Variants in UMAD1 observed in about 807,000 individuals in gnomAD.
UMAD1 encodes UBAP1-MVB12-associated (UMA)-domain containing protein 1.
In UMAD1, 8 loss-of-function variants were observed where a neutral mutation model predicts 6.1. That is an observed-to-expected ratio of 1.30 (90% confidence interval 0.76 to 2.35). The LOEUF is 2.35. Ranked by LOEUF, UMAD1 falls within the 30% of genes most tolerant of loss-of-function variation. The pLI is 0.00. For synonymous variants in UMAD1, 56 were observed against 31.4 expected (o/e 1.78, Z -2.61); for missense variants, 130 against 78.4 (o/e 1.66, Z -2.49).
At chr7:7,642,208 C>A (rs1293336928) in intron 1 of UMAD1, among the ~76,000 whole-genome samples, 1 of 152,144 alleles carries the variant, frequency 6.6e-6, no homozygotes, top group East Asian at 1.9e-4. Flanking sequence ...GCACATAGCT[C>A]ACTGCAGCCT....
chr7:7,796,412 C>T (rs1215694044), intron 2 of UMAD1, among the ~76,000 whole-genome samples: 5 of 151,626 alleles, frequency 3.3e-5, no homozygotes, highest in South Asian at 4.2e-4. Context: ...CTACCGCACC[C>T]GGCTAATTTT....
intron 2 of UMAD1, among the ~76,000 whole-genome samples, chr7:7,730,480 G>T (rs11978146): frequency 0.25 from 37,404 of 151,834 alleles, 5,155 homozygotes; most frequent in African/African-American, 0.38. Flanking sequence ...TCCAGTTCTC[G>T]TCCTTTTTCT....
intron 3 of UMAD1, among the ~76,000 whole-genome samples, chr7:7,843,124 A>G (rs1185700129): frequency 6.6e-6 from 1 of 152,210 alleles, no homozygotes; most frequent in Non-Finnish European, 1.5e-5. Flanking sequence ...GAAAATAAGT[A>G]AAGTCTCTCT....
intron 3 of UMAD1, among the ~76,000 whole-genome samples, chr7:7,846,022 A>G (rs1783776239): frequency 6.6e-6 from 1 of 152,104 alleles, no homozygotes; most frequent in African/African-American, 2.4e-5. Flanking sequence ...TCTTTGAGTG[A>G]GAGATTTACT....
chr7:7,675,692 G>A (rs1779721135), intron 2 of UMAD1, among the ~76,000 whole-genome samples: 1 of 152,124 alleles, frequency 6.6e-6, no homozygotes, highest in Non-Finnish European at 1.5e-5. Context: ...GGACCATCTT[G>A]GACTAGCATA....
intron 2 of UMAD1, among the ~76,000 whole-genome samples, chr7:7,756,594 A>G (rs983932791): frequency 6.6e-6 from 1 of 152,140 alleles, no homozygotes; most frequent in African/African-American, 2.4e-5. Flanking sequence ...CTGTTCTTTC[A>G]TGAATGTGCT....
At chr7:7,692,936 A>G (rs1028529567) in intron 2 of UMAD1, among the ~76,000 whole-genome samples, 4 of 152,186 alleles carry the variant, frequency 2.6e-5, no homozygotes, top group Admixed American at 6.5e-5. Flanking sequence ...GGTATATTTC[A>G]TGTGAACCTT....
At chr7:7,868,907 C>G (rs1404013481) in intron 3 of UMAD1, among the ~76,000 whole-genome samples, 2 of 152,148 alleles carry the variant, frequency 1.3e-5, no homozygotes, top group Non-Finnish European at 2.9e-5. Flanking sequence ...GGGACCAGAT[C>G]TAGTGCCATT....
intron 2 of UMAD1, among the ~76,000 whole-genome samples, chr7:7,800,656 T>A (rs1283819833): frequency 6.6e-6 from 1 of 152,204 alleles, no homozygotes; most frequent in Non-Finnish European, 1.5e-5. Context: ...TTATATTAAA[T>A]CCTTCACAAT....
chr7:7,720,565 A>C (rs1158841598), intron 2 of UMAD1, among the ~76,000 whole-genome samples: 10 of 152,198 alleles, frequency 6.6e-5, no homozygotes, highest in Non-Finnish European at 1.5e-5. Context: ...ATTGCCAAAC[A>C]AAAGAAAAAT....
At chr7:7,702,040 G>A (rs747990412) in intron 2 of UMAD1, among the ~76,000 whole-genome samples, 2 of 152,184 alleles carry the variant, frequency 1.3e-5, no homozygotes, top group African/African-American at 2.4e-5. Context: ...TTCAGATAGA[G>A]AAGGTATACA....
intron 2 of UMAD1, among the ~76,000 whole-genome samples, chr7:7,761,038 A>G (rs1781878539): frequency 6.6e-6 from 1 of 152,170 alleles, no homozygotes; most frequent in Non-Finnish European, 1.5e-5. Flanking sequence ...CAGGACCACC[A>G]CTGACCTGCT....
Position 7,705,245 on chromosome 7 carries a change from T to C in UMAD1, c.82+31792T>C, listed in dbSNP as rs1376534942. 2.6e-5 allele frequency among the ~76,000 whole-genome samples: 4 copies of C among 152,204 alleles called. No homozygotes were observed. The East Asian group carries it at 7.7e-4, about 29-fold the overall frequency. Reference sequence around the variant, plus strand: ...GATGATTGTAACGAAGTTCGTATAGTTGATGCACTGTGATTTAGTTTTGTC... The same window carrying C: ...GATGATTGTAACGAAGTTCGTATAGCTGATGCACTGTGATTTAGTTTTGTC... On this transcript the variant is annotated intron_variant, in intron 2 of 3. Coordinates refer to ENST00000682710, the MANE Select transcript of UMAD1 (RefSeq NM_001302348.2).
Position 7,867,572 on chromosome 7 carries a change from C to T in UMAD1, c.157-9709C>T, listed in dbSNP as rs1272587672. Among the ~76,000 whole-genome samples, 3 of 152,038 alleles carry T rather than the reference C, an allele frequency of 2.0e-5. No homozygotes were observed. In the East Asian group the frequency reaches 5.8e-4, roughly 29 times the overall value. Reference sequence around the variant, plus strand: ...AGTGGTCATTTCAGATTAGCACTTCCAAACATTTTCTGAATTTAGCAAGAG... The same window carrying T: ...AGTGGTCATTTCAGATTAGCACTTCTAAACATTTTCTGAATTTAGCAAGAG... On this transcript the variant is annotated intron_variant, in intron 3 of 3. Transcript: ENST00000682710.
At chr7:7,819,094 C>T (rs1783191769) in intron 3 of UMAD1, among the ~76,000 whole-genome samples, 1 of 152,194 alleles carries the variant, frequency 6.6e-6, no homozygotes, top group Non-Finnish European at 1.5e-5. Context: ...AGGTGATCCA[C>T]CCACCTCAGC....
chr7:7,650,060 G>C (rs1487074200), intron 1 of UMAD1, among the ~76,000 whole-genome samples: 1 of 152,212 alleles, frequency 6.6e-6, no homozygotes, highest in African/African-American at 2.4e-5. Context: ...AGCATGGACA[G>C]ATTAAGAAGC....
At chr7:7,707,024 C>T (rs1029268939) in intron 2 of UMAD1, among the ~76,000 whole-genome samples, 3 of 152,132 alleles carry the variant, frequency 2.0e-5, no homozygotes, top group Non-Finnish European at 4.4e-5. Context: ...TCTCTAGAAA[C>T]AGAAACATGA....
At chr7:7,660,517 C>A (rs1785448366) in intron 1 of UMAD1, among the ~76,000 whole-genome samples, 1 of 152,192 alleles carries the variant, frequency 6.6e-6, no homozygotes, top group Admixed American at 6.5e-5. Context: ...AATCTCTCAG[C>A]ATTTGCTTGT....
At chr7:7,742,503 C>T in intron 2 of UMAD1, 1 of 520,044 alleles carries the variant, frequency 1.9e-6, no homozygotes, top group Non-Finnish European at 3.8e-6. Context: ...CCTTCGAAGC[C>T]TTCACTTTGG....
Sources: gnomAD v4.1 joint callset for allele counts (sites outside exome capture counted in the v4.1 genomes callset) on GRCh38, gnomAD v4.1.1 for gene constraint, MANE v1.5 for transcripts, NCBI Gene and HGNC (gene_info 2026-07-23, HGNC 2026-07-21) for gene names.